Variants in DYNC2H1 observed in about 807,000 individuals in gnomAD.
DYNC2H1 encodes the protein cytoplasmic dynein 2 heavy chain 1.
A neutral mutation model predicts 570.0 loss-of-function variants in DYNC2H1; 410 were observed. That is an observed-to-expected ratio of 0.72 (90% CI 0.66 to 0.78). The LOEUF is 0.78. DYNC2H1 is among the 30% of genes least tolerant of loss of function. The pLI is 0.00. For synonymous variants in DYNC2H1, 1,688 were observed against 1,677.6 expected, an observed-to-expected ratio of 1.01 and a Z score of -0.15; for missense variants, 4,865 against 5,046.4, an observed-to-expected ratio of 0.96 and a Z score of 1.09.
intron 59 of DYNC2H1, among the ~76,000 whole-genome samples, chr11:103,223,777 C>G (rs1863692219): frequency 6.8e-6 from 1 of 146,030 alleles, no homozygotes; most frequent in East Asian, 2.0e-4. Flanking sequence ...GAGACAGAGT[C>G]TTGCTCTGTC....
At chr11:103,221,894 C>T (rs192273380) in intron 57 of DYNC2H1, 136 bp from the exon 58 acceptor site, 1 of 831,230 alleles carries the variant, frequency 1.2e-6, no homozygotes, top group Non-Finnish European at 1.8e-6. Context: ...ACATTAGAAG[C>T]TTAAAGGTTT....
rs1410893505 is a variant in DYNC2H1, at chr11:103,198,164, G to C, written c.7839+101G>C. 3.0e-6 allele frequency: 4 copies of C among 1,314,588 alleles called. No individual in the cohort carries two copies. The African/African-American group carries it at 4.4e-5, about 15-fold the overall frequency. The allele number at this position is 1,314,588 out of a possible 1,614,324, so 81.4% of individuals were successfully genotyped here. On this transcript the variant is annotated intron_variant, in intron 48 of 88. Transcript: ENST00000375735. ...GAGGGCATGAATATGATAGATTGTAGAATAGGCAAAGCTGGTTCTTATCTT... is the reference window on the plus strand; with the variant it reads ...GAGGGCATGAATATGATAGATTGTACAATAGGCAAAGCTGGTTCTTATCTT...
intron 50 of DYNC2H1, among the ~76,000 whole-genome samples, chr11:103,202,460 T>C (rs1328683588): frequency 1.3e-5 from 2 of 152,168 alleles, no homozygotes; most frequent in Non-Finnish European, 2.9e-5. Context: ...TTGGTTTCTT[T>C]TTTCTATTTC....
intron 79 of DYNC2H1, among the ~76,000 whole-genome samples, chr11:103,315,979 A>C (rs1937804981): frequency 6.6e-6 from 1 of 152,074 alleles, no homozygotes; most frequent in Non-Finnish European, 1.5e-5. Flanking sequence ...CTAATTAGTC[A>C]ATAGAAGCCA....
At position 103,185,069 on chromosome 11, in the gene DYNC2H1, C is replaced by A. The variant is rs1317503941; in HGVS notation, c.6633+18C>A. ...CCAAAGAGGTAATGCATATTTATAG[C>A]CTATATTTAGTCAAAACTTTAACTT... On this transcript the variant is annotated intron_variant, in intron 41 of 88. Coordinates refer to ENST00000375735, the MANE Select transcript of DYNC2H1 (RefSeq NM_001377.3). The surrounding 1 kb of genome is among the most constrained non-coding windows in gnomAD (Gnocchi z 4.5). The A allele has an allele frequency of 8.8e-6, 14 of 1,596,884 alleles. No homozygotes were observed. Among genetic ancestry groups the A allele is most frequent in the African/African-American group, 1.3e-5 (1 of 74,408 alleles).
chr11:103,453,567 T>C (rs1207365134), intron 85 of DYNC2H1, among the ~76,000 whole-genome samples: 2 of 150,150 alleles, frequency 1.3e-5, no homozygotes, highest in Admixed American at 6.6e-5. Flanking sequence ...TGACAAATTA[T>C]ATTATTCAAA....
intron 50 of DYNC2H1, among the ~76,000 whole-genome samples, chr11:103,202,116 G>A (rs1286685895): frequency 2.6e-5 from 4 of 152,154 alleles, no homozygotes; most frequent in Non-Finnish European, 5.9e-5. Context: ...AATTAGACAA[G>A]TGGTAGATCC....
chr11:103,220,687 G>T lies in DYNC2H1; in HGVS notation c.9011G>T (p.Arg3004Leu), dbSNP rs755871858. The change falls in exon 57 of 89, where the codon CGC becomes CTC. Residue 3004 changes from arginine (R) to leucine (L), a missense_variant. This residue lies in a region of DYNC2H1 where 2,401 missense variants were observed against 2,454.6 expected (regional missense o/e 0.98). Transcript: ENST00000375735. ...NIKPESLSEIRSLRMPPDVIR... is the reference protein window; with the variant it reads ...NIKPESLSEILSLRMPPDVIR... Reference sequence around the variant, plus strand: ...AAGCCCGAATCACTTTCAGAAATTCGCTCACTACGCATGCCACCTGATGTA... The same window carrying T: ...AAGCCCGAATCACTTTCAGAAATTCTCTCACTACGCATGCCACCTGATGTA... 19 of 1,612,378 alleles carry T rather than the reference G, an allele frequency of 1.2e-5. No individual in the cohort carries two copies. The highest frequency in any genetic ancestry group is 1.6e-5 in the Non-Finnish European group (19 of 1,178,956).
chr11:103,263,781 CT>C (rs1865405638), intron 70 of DYNC2H1, among the ~76,000 whole-genome samples: 1 of 151,784 alleles, frequency 6.6e-6, no homozygotes, highest in Non-Finnish European at 1.5e-5. Flanking sequence ...AATCAACCCC[CT>C]AACATCACAA....
chr11:103,431,977 A>G (rs887239452), intron 84 of DYNC2H1, among the ~76,000 whole-genome samples: 2 of 152,056 alleles, frequency 1.3e-5, no homozygotes, highest in African/African-American at 4.8e-5. Flanking sequence ...CTATTTGCTG[A>G]GCATACTTCT....
intron 83 of DYNC2H1, among the ~76,000 whole-genome samples, chr11:103,385,887 C>G (rs984822880): frequency 1.5e-4 from 23 of 152,154 alleles, no homozygotes; most frequent in Non-Finnish European, 2.9e-5. Flanking sequence ...GATCTGTCTA[C>G]TTGAATAGGA....
At position 103,147,900 on chromosome 11, in the gene DYNC2H1, T is replaced by C. The variant is rs150786504; in HGVS notation, c.2818+13T>C. 35,159 of 1,525,302 alleles carry C rather than the reference T, an allele frequency of 0.023. 535 individuals carry two copies. Among genetic ancestry groups the C allele is most frequent in the South Asian group, 0.046 (3,959 of 85,216 alleles). 94.5% of individuals were successfully genotyped at this position (1,525,302 alleles called of 1,614,324 possible). ...AAGTCCATACAGGGTAAATACACAT[T>C]TTAATTTTTATTTTTACTTAATTTG... is the stretch of plus-strand genomic sequence containing the variant. On this transcript the variant is annotated intron_variant, in intron 19 of 88. Transcript: ENST00000375735.
Position 103,201,720 on chromosome 11 carries a change from C to T in DYNC2H1, c.8197+1566C>T, listed in dbSNP as rs1243675800. Reference sequence around the variant, plus strand: ...TGGTGTTACCTGACCTTTTTGGTGTCTTCCTGGGGAGGACACTTGCGAATT... The same window carrying T: ...TGGTGTTACCTGACCTTTTTGGTGTTTTCCTGGGGAGGACACTTGCGAATT... On this transcript the variant is annotated intron_variant, in intron 50 of 88. Transcript: ENST00000375735. This position sits in a 1 kb window ranked among gnomAD's most constrained non-coding sequence, Gnocchi z 4.8. Among the ~76,000 whole-genome samples, 1 of 152,072 alleles carries T rather than the reference C, an allele frequency of 6.6e-6. No homozygotes were observed. Among genetic ancestry groups the T allele is most frequent in the Non-Finnish European group, 1.5e-5 (1 of 68,012 alleles).
chr11:103,220,150 C>A, intron 56 of DYNC2H1, 122 bp downstream of exon 56: 5 of 493,566 alleles, frequency 1.0e-5, no homozygotes, highest in Non-Finnish European at 1.7e-5. Flanking sequence ...GGTTTTCAAC[C>A]AAAATGTTAC....
intron 18 of DYNC2H1, among the ~76,000 whole-genome samples, chr11:103,146,748 G>A (rs992661812): frequency 9.9e-5 from 15 of 151,824 alleles, no homozygotes; most frequent in African/African-American, 2.9e-4. Flanking sequence ...GATTACAGGC[G>A]TGCGCCACCA....
chr11:103,180,877 CAT>C (rs1861824994), intron 39 of DYNC2H1, among the ~76,000 whole-genome samples: 1 of 151,396 alleles, frequency 6.6e-6, no homozygotes, highest in Non-Finnish European at 1.5e-5. Context: ...CAATTTTTTT[CAT>C]ATTAGACTGG....
chr11:103,419,170 C>T (rs575839239), intron 84 of DYNC2H1, among the ~76,000 whole-genome samples: 59 of 152,268 alleles, frequency 3.9e-4, no homozygotes, highest in South Asian at 1.2e-3. Flanking sequence ...GGGTGGCGGC[C>T]GTCTCTGCGA....
intron 30 of DYNC2H1, 124 bp from the exon 31 acceptor site, chr11:103,165,774 G>A: frequency 1.4e-6 from 1 of 693,426 alleles, no homozygotes; most frequent in Non-Finnish European, 2.2e-6. Context: ...GTTCCAGTAT[G>A]ACATTAAGAT....
intron 31 of DYNC2H1, among the ~76,000 whole-genome samples, chr11:103,168,332 GA>G (rs1181302185): frequency 6.6e-6 from 1 of 152,114 alleles, no homozygotes; most frequent in Non-Finnish European, 1.5e-5. Flanking sequence ...CAGAAGGGGG[GA>G]AAAATACAAT....
Sources: allele counts gnomAD v4.1 joint callset (sites outside exome capture counted in the v4.1 genomes callset), GRCh38; gene constraint gnomAD v4.1.1; regional missense constraint gnomAD v4.1.1; non-coding constraint Gnocchi (gnomAD v3.1); transcripts MANE v1.5; gene names NCBI Gene and HGNC (gene_info 2026-07-23, HGNC 2026-07-21).